MMP26: variants seen among roughly 807,000 people sequenced by gnomAD.
MMP26 encodes the protein matrix metallopeptidase 26.
A neutral mutation model predicts 31.0 loss-of-function variants in MMP26; 33 were observed. The observed-to-expected ratio is 1.06, with a 90% CI of 0.81 to 1.42. The LOEUF is 1.42. Among genes scored for constraint, MMP26 ranks in the 40% most tolerant of loss-of-function variants. MMP26 has a pLI of 0.00. For synonymous variants in MMP26, 122 were observed against 114.9 expected (o/e 1.06, Z -0.40); for missense variants, 347 against 316.1 (o/e 1.10, Z -0.74).
intron 1 of MMP26, among the ~76,000 whole-genome samples, chr11:4,756,193 C>G (rs1848502815): frequency 6.6e-6 from 1 of 151,968 alleles, no homozygotes. Context: ...AGTCAAGGGA[C>G]AGTAATTAAC....
chr11:4,899,589 AG>A (rs1850771854), intron 2 of MMP26, among the ~76,000 whole-genome samples: 1 of 152,180 alleles, frequency 6.6e-6, no homozygotes, highest in African/African-American at 2.4e-5. Flanking sequence ...AAAATTTGCC[AG>A]GATGGTACCA....
intron 2 of MMP26, among the ~76,000 whole-genome samples, chr11:4,836,642 CAA>C (rs1355614175): frequency 7.3e-6 from 1 of 137,056 alleles, no homozygotes; most frequent in Non-Finnish European, 1.6e-5. Flanking sequence ...TGCTTGGAAT[CAA>C]AGACATCTTT....
intron 1 of MMP26, among the ~76,000 whole-genome samples, chr11:4,726,473 AT>A (rs1848101930): frequency 6.6e-6 from 1 of 151,868 alleles, no homozygotes; most frequent in Non-Finnish European, 1.5e-5. Context: ...AAAAAAAAAA[AT>A]TACCATTGGT....
rs111446872 is a variant in MMP26 at position 4,923,958 on chromosome 11, C to T, written c.-144-64110C>T. The T allele has an allele frequency of 6.7e-5, 108 of 1,614,064 alleles. No homozygotes were observed. The highest frequency in any genetic ancestry group is 5.3e-4 in the African/African-American group (40 of 75,004). On this transcript the variant is annotated intron_variant, in intron 2 of 7. Transcript: ENST00000380390. ...GTGGAGTCATGCAGTGGGTTGCAGACGGCCACGTAGCGGTCAATGGACATG... is the reference window on the plus strand; with the variant it reads ...GTGGAGTCATGCAGTGGGTTGCAGATGGCCACGTAGCGGTCAATGGACATG...
chr11:4,956,390 A>C (rs1846443570), intron 2 of MMP26, among the ~76,000 whole-genome samples: 1 of 152,216 alleles, frequency 6.6e-6, no homozygotes, highest in Non-Finnish European at 1.5e-5. Context: ...GATACAGTAA[A>C]TCTACAGAGA....
At chr11:4,724,294 T>C (rs1186806263) in intron 1 of MMP26, 3 of 352,572 alleles carry the variant, frequency 8.5e-6, no homozygotes, top group Non-Finnish European at 1.0e-5. Context: ...AAAAGCAGGA[T>C]TTTCTCTATA....
intron 1 of MMP26, among the ~76,000 whole-genome samples, chr11:4,732,784 A>C (rs900079019): frequency 6.6e-6 from 1 of 152,214 alleles, no homozygotes; most frequent in Non-Finnish European, 1.5e-5. Flanking sequence ...TTGTGTGGCA[A>C]GTATTAGTAC....
chr11:4,708,279 T>TTG (rs961429724), intron 1 of MMP26, among the ~76,000 whole-genome samples: 2 of 152,176 alleles, frequency 1.3e-5, no homozygotes, highest in Non-Finnish European at 2.9e-5. Context: ...CTATCTTTCT[T>TTG]TGCGTGTGTG....
chr11:4,972,647 T>C (rs1236887923), intron 2 of MMP26, among the ~76,000 whole-genome samples: 1 of 152,078 alleles, frequency 6.6e-6, no homozygotes, highest in Non-Finnish European at 1.5e-5. Context: ...ACCATTAATT[T>C]TCAAATTAAC....
chr11:4,833,683 G>A (rs145538157), intron 2 of MMP26, among the ~76,000 whole-genome samples: 64 of 152,274 alleles, frequency 4.2e-4, no homozygotes, highest in Middle Eastern at 3.4e-3. Context: ...TGGCATGTAG[G>A]TTAGTGTTTA....
At chr11:4,812,376 G>A (rs12789996) in intron 2 of MMP26, among the ~76,000 whole-genome samples, 16,833 of 152,118 alleles carry the variant, frequency 0.11, 1,045 homozygotes, top group Middle Eastern at 0.18. Flanking sequence ...GGCAAGTCTC[G>A]ATCCATTTAG....
At chr11:4,736,689 C>T (rs1848245081) in intron 1 of MMP26, 1 of 152,186 alleles carries the variant, frequency 6.6e-6, no homozygotes, top group African/African-American at 2.4e-5. Flanking sequence ...TGGAATCAGT[C>T]AAGATGGTAG....
chr11:4,778,801 C>T (rs1325620735), intron 2 of MMP26, among the ~76,000 whole-genome samples: 1 of 151,902 alleles, frequency 6.6e-6, no homozygotes, highest in Non-Finnish European at 1.5e-5. Flanking sequence ...TCTATCAAAA[C>T]CTTTCACATA....
At chr11:4,937,528 G>T in intron 2 of MMP26, 1 of 153,088 alleles carries the variant, frequency 6.5e-6, no homozygotes, top group Non-Finnish European at 1.5e-5. Context: ...AGCACTCAGC[G>T]TGGGCACATA....
intron 2 of MMP26, among the ~76,000 whole-genome samples, chr11:4,791,689 G>C (rs1849030436): frequency 6.6e-6 from 1 of 151,920 alleles, no homozygotes; most frequent in South Asian, 2.1e-4. Flanking sequence ...TTTCTCTATG[G>C]CTATAATTCT....
At chr11:4,941,069 A>T (rs113906406) in intron 2 of MMP26, among the ~76,000 whole-genome samples, 1 of 4,568 alleles carries the variant, frequency 2.2e-4, no homozygotes, top group Admixed American at 4.7e-3. Context: ...ATGATTTTTT[A>T]ATATACATAG....
At position 4,873,481 on chromosome 11, in the gene MMP26, C is replaced by T. The variant is rs574402477; in HGVS notation, c.-145+106140C>T. Among the ~76,000 whole-genome samples the T allele has an allele frequency of 4.0e-4, 61 of 152,184 alleles. 1 individual carries two copies. Among genetic ancestry groups the T allele is most frequent in the Middle Eastern group, 3.4e-3 (1 of 294 alleles). Reference sequence around the variant, plus strand: ...GTCTTGAACCCTGCAACAGCCACTACTGGCAGGCCATTGGTATTAAATGTT... The same window carrying T: ...GTCTTGAACCCTGCAACAGCCACTATTGGCAGGCCATTGGTATTAAATGTT... On this transcript the variant is annotated intron_variant, in intron 2 of 7. Transcript: ENST00000380390.
At chr11:4,859,790 C>T (rs61710756) in intron 2 of MMP26, 5,351 of 471,266 alleles carry the variant, frequency 0.011, 238 homozygotes, top group African/African-American at 0.097. Flanking sequence ...GAGGCAGCAC[C>T]CATAAAAGGA....
At chr11:4,952,036 T>C (rs1024882805) in intron 2 of MMP26, among the ~76,000 whole-genome samples, 3 of 124,666 alleles carry the variant, frequency 2.4e-5, no homozygotes, top group African/African-American at 8.2e-5. Context: ...TCTGCTGTTA[T>C]GATATTTTAC....
Sources: allele counts gnomAD v4.1 joint callset (sites outside exome capture counted in the v4.1 genomes callset), GRCh38; gene constraint gnomAD v4.1.1; transcripts MANE v1.5; gene names NCBI Gene and HGNC (gene_info 2026-07-23, HGNC 2026-07-21).